CDHR2: variants seen among roughly 807,000 people sequenced by gnomAD.
The protein encoded by CDHR2 is cadherin-related family member 2.
A neutral mutation model predicts 138.6 loss-of-function variants in CDHR2; 104 were observed. The ratio of observed to expected loss-of-function variants is 0.75; its 90% CI spans 0.64 to 0.88. The LOEUF (loss-of-function observed/expected upper bound fraction) is 0.88. Ranked by LOEUF, CDHR2 falls within the 40% of genes least tolerant of loss-of-function variation. The pLI is 0.00. For missense variants in CDHR2, 1,624 were observed against 1,727.6 expected, an observed-to-expected ratio of 0.94 and a Z score of 1.06; for synonymous variants, 755 against 742.8, an observed-to-expected ratio of 1.02 and a Z score of -0.27.
At chr5:176,565,811 C>T (rs1204884935) in intron 3 of CDHR2, 68 bp downstream of exon 3, 31 of 1,216,002 alleles carry the variant, frequency 2.5e-5, no homozygotes, top group Non-Finnish European at 3.7e-5. Context: ...GGGGTGCCCT[C>T]TGGAGCCCCC....
intron 1 of CDHR2, among the ~76,000 whole-genome samples, chr5:176,551,577 A>C (rs149043194): frequency 5.2e-4 from 79 of 152,124 alleles, no homozygotes; most frequent in African/African-American, 1.7e-3. Context: ...TGCAGCCTCA[A>C]CCTTCTGGGC....
chr5:176,585,905 T>C (rs1331425803), intron 19 of CDHR2, 49 bp from the exon 20 acceptor site: 3 of 1,450,450 alleles, frequency 2.1e-6, no homozygotes, highest in South Asian at 2.3e-5. Context: ...CCAGGCTCTT[T>C]GGGTCAAGCT....
chr5:176,545,117 T>C (rs150479817), upstream of CDHR2, among the ~76,000 whole-genome samples: 2,141 of 152,168 alleles, frequency 0.014, 26 homozygotes, highest in Non-Finnish European at 0.022. Context: ...TTTCCTTTTC[T>C]TTTTTTGTGG....
At position 176,553,666 on chromosome 5, in the gene CDHR2, AC is replaced by A. The variant is rs1046072575; in HGVS notation, c.-16+4254del. ...CCTGGCTGTTCCTTACACAATGGACACCTGCAGTCTAGCAGTACCGCTAATG... is the reference window on the plus strand; with the variant it reads ...CCTGGCTGTTCCTTACACAATGGACACTGCAGTCTAGCAGTACCGCTAATG... On this transcript the variant is annotated intron_variant, in intron 1 of 31. Transcript: ENST00000261944. This position sits in a 1 kb window ranked among gnomAD's most constrained non-coding sequence, Gnocchi z 4.3. Among the ~76,000 whole-genome samples, 1 of 152,038 alleles carries A rather than the reference AC, an allele frequency of 6.6e-6. No individual in the cohort carries two copies. Among genetic ancestry groups the A allele is most frequent in the African/African-American group, 2.4e-5 (1 of 41,394 alleles).
At chr5:176,591,959 C>CGATGACGAT (rs147306326) in intron 30 of CDHR2, among the ~76,000 whole-genome samples, 1 of 55,022 alleles carries the variant, frequency 1.8e-5, no homozygotes, top group African/African-American at 6.8e-5. Context: ...GTGATGATGA[C>CGATGACGAT]GGTGGTGGTG....
In CDHR2 at chr5:176,591,403, G is replaced by C. The variant is rs1758838482; in HGVS notation, c.3654-1G>C. On this transcript the variant is annotated splice_acceptor_variant, in intron 29 of 31. Coordinates refer to ENST00000261944, the MANE Select transcript of CDHR2 (RefSeq NM_017675.6). LOFTEE classifies it high-confidence loss of function. Reference sequence around the variant, plus strand: ...GCAACTTGACCAGGCTTTCTCTCCAGAGCCAACCCCATGCTGAACCTCCCC... The same window carrying C: ...GCAACTTGACCAGGCTTTCTCTCCACAGCCAACCCCATGCTGAACCTCCCC... The C allele has an allele frequency of 6.2e-7, 1 of 1,613,912 alleles. No individual in the cohort carries two copies. Among genetic ancestry groups the C allele is most frequent in the African/African-American group, 1.3e-5 (1 of 74,944 alleles).
At position 176,576,128 on chromosome 5, in the gene CDHR2, T is replaced by C. The variant is rs1758374411; in HGVS notation, c.1137T>C (p.His379=). Residue 379 remains histidine, a synonymous_variant, in exon 12 of 32, where the codon CAT becomes CAC. Transcript: ENST00000261944. The surrounding 1 kb of genome is among the most constrained non-coding windows in gnomAD (Gnocchi z 4.5). ...QVNFTGYVDE[H]ASPRIPIDDL... is the part of the protein sequence containing the mutation. ...ACTTCACTGGCTACGTGGACGAGCA[T>C]GCCTCCCCCCGCATCCCCATCGATG... is the stretch of plus-strand genomic sequence containing the variant. The C allele has an allele frequency of 1.9e-6, 3 of 1,612,622 alleles. No individual in the cohort carries two copies. In the South Asian group the frequency reaches 3.3e-5, roughly 18 times the overall value.
intron 1 of CDHR2, among the ~76,000 whole-genome samples, chr5:176,556,187 C>A (rs1031593298): frequency 7.2e-5 from 11 of 152,192 alleles, no homozygotes; most frequent in Non-Finnish European, 5.9e-5. Flanking sequence ...CTTATCACAG[C>A]AATATGGGCA....
chr5:176,543,954 C>G lies in CDHR2; in HGVS notation c.-16+1185C>G, dbSNP rs1431390484. On this transcript the variant is annotated intron_variant, in intron 1 of 31. Coordinates refer to the CDHR2 transcript ENST00000510636. The surrounding 1 kb of genome is among the most constrained non-coding windows in gnomAD (Gnocchi z 4.0). ...ACCTGGACCAGGGCATGGCCGGCAC[C>G]AGCTCAGGCCGCGGGTCCCGGCGCC... Among the ~76,000 whole-genome samples, 1 of 152,262 alleles carries G rather than the reference C, an allele frequency of 6.6e-6. No individual in the cohort carries two copies. Among genetic ancestry groups the G allele is most frequent in the East Asian group, 1.9e-4 (1 of 5,208 alleles).
At position 176,575,148 on chromosome 5, in the gene CDHR2, T is replaced by C; in HGVS notation, c.560T>C (p.Leu187Pro). Residue 187 changes from leucine (L) to proline (P), a missense_variant, in exon 8 of 32, where the codon CTC (leucine) becomes CCC (proline). This residue lies in a region of CDHR2 where 1,061 missense variants were observed against 1,136.6 expected (regional missense o/e 0.93). Transcript: ENST00000261944. ...FRILANGSIV[L>P]NGSLSYNNKS... is the part of the protein sequence containing the mutation. ...ATCCTGGCCAATGGCTCCATAGTCCTCAATGGCAGCCTCAGCTACAACAAC... is the reference window on the plus strand; with the variant it reads ...ATCCTGGCCAATGGCTCCATAGTCCCCAATGGCAGCCTCAGCTACAACAAC... 2 of 1,614,198 alleles carry C rather than the reference T, an allele frequency of 1.2e-6. No individual in the cohort carries two copies. Among genetic ancestry groups the C allele is most frequent in the Non-Finnish European group, 1.7e-6 (2 of 1,180,030 alleles).
At chr5:176,561,217 G>A (rs1757959651) in intron 1 of CDHR2, among the ~76,000 whole-genome samples, 1 of 152,200 alleles carries the variant, frequency 6.6e-6, no homozygotes, top group South Asian at 2.1e-4. Flanking sequence ...TCTTACAGGT[G>A]AGGAAGCTGA....
chr5:176,585,856 G>A (rs572008595), intron 19 of CDHR2, 98 bp from the exon 20 acceptor site: 52 of 931,640 alleles, frequency 5.6e-5, no homozygotes, highest in Admixed American at 2.0e-4. Flanking sequence ...TTGAGGCTGC[G>A]GGGCATGGGG....
At chr5:176,590,038 C>A (rs781033503) in intron 24 of CDHR2, 40 bp from the exon 25 acceptor site, 1 of 1,553,766 alleles carries the variant, frequency 6.4e-7, no homozygotes. Context: ...CAGGCCCAGG[C>A]TAAGACCCCA....
At chr5:176,571,734 CACCGT>C (rs1221828642) in intron 6 of CDHR2, among the ~76,000 whole-genome samples, 1 of 152,016 alleles carries the variant, frequency 6.6e-6, no homozygotes, top group Non-Finnish European at 1.5e-5. Flanking sequence ...GACGGGGTTT[CACCGT>C]GTTAGCCAGG....
intron 17 of CDHR2, 78 bp from the exon 18 acceptor site, chr5:176,584,112 G>A (rs1758590117): frequency 8.3e-7 from 1 of 1,209,842 alleles, no homozygotes; most frequent in South Asian, 1.2e-5. Flanking sequence ...TTGGAGCACA[G>A]GGATTATTGG....
intron 21 of CDHR2, 23 bp from the exon 22 acceptor site, chr5:176,589,008 A>G (rs1189580780): frequency 6.2e-7 from 1 of 1,612,404 alleles, no homozygotes. Context: ...GGGCCCCCAG[A>G]TATTGTCCAC....
rs113113708 is a variant in CDHR2 at position 176,577,509 on chromosome 5, A to G, written c.1305A>G (p.Val435=). The stretch of plus-strand genomic sequence containing the variant: ...CCTCCGTTCAGGTGCTGGTGAGAGT[A>G]TCCGCGCTGGTGGACTACGAGAGGC... ...GSASVQVLVR[V]SALVDYERQT... Residue 435 remains valine (V), a synonymous_variant, in exon 13 of 32, where the codon GTA becomes GTG. Coordinates refer to ENST00000261944, the MANE Select transcript of CDHR2 (RefSeq NM_017675.6). The G allele has an allele frequency of 7.1e-4, 1,139 of 1,612,856 alleles. 3 individuals carry two copies. In the African/African-American group the frequency reaches 0.013, roughly 19 times the overall value.
intron 3 of CDHR2, among the ~76,000 whole-genome samples, chr5:176,566,535 G>A (rs976380228): frequency 2.4e-4 from 36 of 152,202 alleles, no homozygotes; most frequent in Admixed American, 7.9e-4. Context: ...CCTCGTGGCC[G>A]CCCAGGAGCC....
In CDHR2 at chr5:176,571,179, T is replaced by G. The variant is rs201969335; in HGVS notation, c.316-34T>G. 1.7e-4 allele frequency: 258 copies of G among 1,492,174 alleles called. 1 individual carries two copies. The African/African-American group carries it at 3.2e-3, about 18-fold the overall frequency. 92.4% of individuals were successfully genotyped at this position (1,492,174 alleles called of 1,614,324 possible). On this transcript the variant is annotated intron_variant, in intron 5 of 31. Coordinates refer to ENST00000261944, the MANE Select transcript of CDHR2 (RefSeq NM_017675.6). ...AACTTTTCTGGTGTTTTAAATCCTA[T>G]TTTCTGGGGTCCCCTGGGCTTTCTC...
Sources: allele counts gnomAD v4.1 joint callset (sites outside exome capture counted in the v4.1 genomes callset), GRCh38; gene constraint gnomAD v4.1.1; regional missense constraint gnomAD v4.1.1; non-coding constraint Gnocchi (gnomAD v3.1); transcripts MANE v1.5; gene names NCBI Gene and HGNC (gene_info 2026-07-23, HGNC 2026-07-21).